Variants in SPRY4 observed in about 807,000 individuals in gnomAD.
SPRY4 encodes sprouty RTK signaling antagonist 4, also known as protein sprouty homolog 4.
A neutral mutation model predicts 17.0 loss-of-function variants in SPRY4; 7 were observed. The ratio of observed to expected loss-of-function variants is 0.41; its 90% CI spans 0.23 to 0.77. The LOEUF (loss-of-function observed/expected upper bound fraction) is 0.77, where lower values mean the gene tolerates loss of function less well. Among genes scored for constraint, SPRY4 ranks in the 30% least tolerant of loss-of-function variants. The pLI is 0.32. For missense variants in SPRY4, 435 were observed against 419.9 expected, an observed-to-expected ratio of 1.04 and a Z score of -0.31; for synonymous variants, 183 against 174.1, an observed-to-expected ratio of 1.05 and a Z score of -0.40.
chr5:142,321,819 A>G (rs1316608378), intron 1 of SPRY4, among the ~76,000 whole-genome samples: 1 of 152,202 alleles, frequency 6.6e-6, no homozygotes, highest in African/African-American at 2.4e-5. Context: ...CATCAACAGG[A>G]TAGCCCAAGG....
intron 1 of SPRY4, among the ~76,000 whole-genome samples, chr5:142,321,801 C>T (rs2127000445): frequency 6.6e-6 from 1 of 152,302 alleles, no homozygotes; most frequent in East Asian, 1.9e-4. Context: ...CACCAACACC[C>T]AGGCCCTCAT....
chr5:142,319,699 C>A, intron 1 of SPRY4: 2 of 1,598,870 alleles, frequency 1.3e-6, no homozygotes, highest in South Asian at 2.3e-5. Context: ...CTTGGCGGGT[C>A]TGGGAGCCCA....
Position 142,314,370 on chromosome 5 carries a change from A to T in SPRY4, c.739T>A (p.Cys247Ser), listed in dbSNP as rs756704150. ...FMGALSVVLP[C>S]LLCYLPATGC... Reference sequence around the variant, plus strand: ...GTGGCAGGCAGGTAGCAGAGCAGGCAGGGCAGCACCACGGAGAGAGCACCC... The same window carrying T: ...GTGGCAGGCAGGTAGCAGAGCAGGCTGGGCAGCACCACGGAGAGAGCACCC... The change falls in exon 2 of 2, where the codon TGC (cysteine) becomes AGC (serine). Residue 247 changes from cysteine to serine, a missense_variant. By Grantham distance (112) the Cys-to-Ser change is moderately radical (BLOSUM62 -1). Coordinates refer to ENST00000434127, the MANE Select transcript of SPRY4 (RefSeq NM_001127496.3). This position sits in a 1 kb window ranked among gnomAD's most constrained non-coding sequence, Gnocchi z 4.8. The T allele has an allele frequency of 6.2e-7, 1 of 1,613,936 alleles. No individual in the cohort carries two copies. Among genetic ancestry groups the T allele is most frequent in the Non-Finnish European group, 8.5e-7 (1 of 1,179,980 alleles).
chr5:142,319,614 G>A, intron 1 of SPRY4: 1 of 1,259,108 alleles, frequency 7.9e-7, no homozygotes, highest in Non-Finnish European at 1.1e-6. Flanking sequence ...AGGGAGCCAG[G>A]GCACAGAGAG....
intron 1 of SPRY4, 123 bp from the exon 2 acceptor site, chr5:142,315,278 C>T: frequency 1.6e-6 from 1 of 626,744 alleles, no homozygotes; most frequent in Non-Finnish European, 2.8e-6. Flanking sequence ...ACTAAAATCC[C>T]TCTGTGGACT....
chr5:142,318,345 G>A (rs1253173811), intron 1 of SPRY4, among the ~76,000 whole-genome samples: 2 of 151,916 alleles, frequency 1.3e-5, no homozygotes, highest in East Asian at 3.9e-4. Context: ...AATTAGCCAG[G>A]CATGGTGGCA....
rs1758875184 is a variant in SPRY4 at position 142,310,725 on chromosome 5, TAAGAAGA to T, written c.*3477_*3483del. The stretch of plus-strand genomic sequence containing the variant: ...AACATGAAACCAAGCTGTGGGACAG[TAAGAAGA>T]GAAAGCAAGGCAAGACACTGCACGC... On this transcript the variant is annotated 3_prime_UTR_variant, in exon 2 of 2. Transcript: ENST00000434127. 1 of 151,864 alleles carries T rather than the reference TAAGAAGA, an allele frequency of 6.6e-6. No homozygotes were observed. Among genetic ancestry groups the T allele is most frequent in the Non-Finnish European group, 1.5e-5 (1 of 67,972 alleles). The allele number at this position is 151,864 out of a possible 1,614,324, so 9.4% of individuals were successfully genotyped here. A position where few individuals can be genotyped will look rare whatever the true frequency, so the allele number is the denominator to read the frequency against.
At position 142,312,125 on chromosome 5, in the gene SPRY4, CA is replaced by C. The variant is rs1758942133; in HGVS notation, c.*2083del. 1 of 152,290 alleles carries C rather than the reference CA, an allele frequency of 6.6e-6. No homozygotes were observed. Among genetic ancestry groups the C allele is most frequent in the Admixed American group, 6.6e-5 (1 of 15,230 alleles). The allele number at this position is 152,290 out of a possible 1,614,324, so 9.4% of individuals were successfully genotyped here. A position where few individuals can be genotyped will look rare whatever the true frequency, so the allele number is the denominator to read the frequency against. On this transcript the variant is annotated 3_prime_UTR_variant, in exon 2 of 2. Coordinates refer to ENST00000434127, the MANE Select transcript of SPRY4 (RefSeq NM_001127496.3). ...CAGAAAGCGTGCAGATGTGCACTAT[CA>C]ATTTTGGGGCCCCCTCATCTGAGGA...
rs1392911071 is a variant in SPRY4 at position 142,314,189 on chromosome 5, T to C, written c.*20A>G. Reference sequence around the variant, plus strand: ...AGAACCAGGTTTCCAGGCAGAGCACTGGGGCTTCGACACAAACTGTCAGAA... The same window carrying C: ...AGAACCAGGTTTCCAGGCAGAGCACCGGGGCTTCGACACAAACTGTCAGAA... On this transcript the variant is annotated 3_prime_UTR_variant, in exon 2 of 2. Transcript: ENST00000434127. This position sits in a 1 kb window ranked among gnomAD's most constrained non-coding sequence, Gnocchi z 4.8. 4 of 1,590,814 alleles carry C rather than the reference T, an allele frequency of 2.5e-6. No individual in the cohort carries two copies. The South Asian group carries it at 3.4e-5, about 13-fold the overall frequency.
chr5:142,324,355 G>A (rs1177668180), intron 1 of SPRY4: 1 of 152,294 alleles, frequency 6.6e-6, no homozygotes, highest in East Asian at 1.9e-4. Context: ...TCGAGCATAG[G>A]CCGCTACGGC....
intron 1 of SPRY4, among the ~76,000 whole-genome samples, chr5:142,319,432 T>G (rs1759269721): frequency 6.6e-6 from 1 of 152,188 alleles, no homozygotes; most frequent in South Asian, 2.1e-4. Context: ...CATTTTTAGT[T>G]TTCTTATAGT....
In SPRY4 at chr5:142,312,138, C is replaced by A. The variant is rs562652381; in HGVS notation, c.*2071G>T. ...GATGTGCACTATCAATTTTGGGGCC[C>A]CCTCATCTGAGGAAAACCATCTCCA... On this transcript the variant is annotated 3_prime_UTR_variant, in exon 2 of 2. Coordinates refer to ENST00000434127, the MANE Select transcript of SPRY4 (RefSeq NM_001127496.3). 8 of 152,576 alleles carry A rather than the reference C, an allele frequency of 5.2e-5. No individual in the cohort carries two copies. In the South Asian group the frequency reaches 1.7e-3, roughly 32 times the overall value. 9.5% of individuals were successfully genotyped at this position (152,576 alleles called of 1,614,324 possible).
At chr5:142,317,524 G>C (rs1759196677) in intron 1 of SPRY4, 5 of 985,092 alleles carry the variant, frequency 5.1e-6, no homozygotes, top group Non-Finnish European at 6.0e-6. Context: ...AGCTTCTATT[G>C]CCCCATATAG....
intron 1 of SPRY4, 48 bp from the exon 2 acceptor site, chr5:142,315,203 A>G: frequency 7.8e-7 from 1 of 1,287,606 alleles, no homozygotes; most frequent in African/African-American, 1.5e-5. Context: ...TCCAGGCATC[A>G]GTATGTGGCC....
intron 1 of SPRY4, among the ~76,000 whole-genome samples, chr5:142,316,864 C>T (rs1759170764): frequency 6.6e-6 from 1 of 152,240 alleles, no homozygotes; most frequent in South Asian, 2.1e-4. Context: ...TGATATTTCC[C>T]ATTCACGCAG....
In SPRY4 at chr5:142,313,211, G is replaced by A. The variant is rs1431927182; in HGVS notation, c.*998C>T. ...ATTTTGAAATCAGCCCTTCCTGGGG[G>A]TGGCCAAAAGGAAACAAGTTGTTTT... On this transcript the variant is annotated 3_prime_UTR_variant, in exon 2 of 2. Transcript: ENST00000434127. The A allele has an allele frequency of 2.6e-5, 4 of 152,710 alleles. No individual in the cohort carries two copies. The highest frequency in any genetic ancestry group is 3.9e-4 in the East Asian group (2 of 5,178). 9.5% of individuals were successfully genotyped at this position (152,710 alleles called of 1,614,324 possible). A position where few individuals can be genotyped will look rare whatever the true frequency, so the allele number is the denominator to read the frequency against.
At chr5:142,316,372 C>G (rs1374634264) in intron 1 of SPRY4, among the ~76,000 whole-genome samples, 1 of 152,104 alleles carries the variant, frequency 6.6e-6, no homozygotes, top group Admixed American at 6.5e-5. Context: ...GCCTGCTGAC[C>G]TTTACATTTG....
intron 1 of SPRY4, chr5:142,318,143 C>T (rs1759220728): frequency 3.0e-6 from 3 of 984,916 alleles, no homozygotes; most frequent in Non-Finnish European, 3.6e-6. Flanking sequence ...TTTAAGAACC[C>T]CTCAGCACAG....
chr5:142,314,010 C>G lies in SPRY4; in HGVS notation c.*199G>C. ...GTTTCAGGACCCTGAAAAAAAGCCC[C>G]AAAGTGCTTCTTCATCACCTTGGGG... On this transcript the variant is annotated 3_prime_UTR_variant, in exon 2 of 2. Transcript: ENST00000434127. This position sits in a 1 kb window ranked among gnomAD's most constrained non-coding sequence, Gnocchi z 4.8. 1.6e-6 allele frequency: 1 copy of G among 614,838 alleles called. No homozygotes were observed. Among genetic ancestry groups the G allele is most frequent in the Non-Finnish European group, 2.8e-6 (1 of 359,114 alleles). The allele number at this position is 614,838 out of a possible 1,614,324, so 38.1% of individuals were successfully genotyped here.
Sources: allele counts gnomAD v4.1 joint callset (sites outside exome capture counted in the v4.1 genomes callset), GRCh38; gene constraint gnomAD v4.1.1; non-coding constraint Gnocchi (gnomAD v3.1); transcripts MANE v1.5; gene names NCBI Gene and HGNC (gene_info 2026-07-23, HGNC 2026-07-21).